CHD1L: variants seen among roughly 807,000 people sequenced by gnomAD.
CHD1L encodes ATP-dependent chromatin remodeler CHD1L.
CHD1L carries 118 observed loss-of-function variants against 115.9 expected under a neutral mutation model. The observed-to-expected ratio is 1.02, with a 90% CI of 0.88 to 1.19. The LOEUF (loss-of-function observed/expected upper bound fraction) is 1.19. Among genes scored for constraint, CHD1L ranks in the 50% most tolerant of loss-of-function variants. CHD1L has a pLI of 0.00. For synonymous variants in CHD1L, 411 were observed against 387.1 expected, an observed-to-expected ratio of 1.06 and a Z score of -0.72; for missense variants, 1,179 against 1,065.3, an observed-to-expected ratio of 1.11 and a Z score of -1.49.
At chr1:147,265,830 C>T (rs587642194) in intron 7 of CHD1L, 102 bp from the exon 8 acceptor site, 13 of 1,059,760 alleles carry the variant, frequency 1.2e-5, no homozygotes, top group African/African-American at 6.5e-5. Context: ...GCAAAATAAG[C>T]GTGAAATAAG....
chr1:147,272,939 C>T (rs587615165), intron 12 of CHD1L, among the ~76,000 whole-genome samples: 1 of 148,736 alleles, frequency 6.7e-6, no homozygotes, highest in Non-Finnish European at 1.5e-5. Context: ...GTGGCCCATG[C>T]CTGTAATCCC....
At chr1:147,293,348 A>G (rs1686309624) in intron 20 of CHD1L, among the ~76,000 whole-genome samples, 1 of 151,980 alleles carries the variant, frequency 6.6e-6, no homozygotes, top group Non-Finnish European at 1.5e-5. Context: ...TGGAAAGTAT[A>G]TGTTTTGGAC....
chr1:147,219,020 C>T, the CHD1L span, among the ~76,000 whole-genome samples: 1 of 152,220 alleles, frequency 6.6e-6, no homozygotes, highest in African/African-American at 2.4e-5. Context: ...CCGAGAGTAG[C>T]CATATCCTTC....
At chr1:147,240,993 T>TC (rs1482641134), upstream of CHD1L, among the ~76,000 whole-genome samples, 1 of 316 alleles carries the variant, frequency 3.2e-3, no homozygotes, top group East Asian at 0.1. Context: ...TCTCTGTGTC[T>TC]CTTTTTTTTC....
rs1676522308 is a variant in CHD1L at position 147,272,232 on chromosome 1, G to T, written c.1221G>T (p.Lys407Asn). The change falls in exon 12 of 23, where the codon AAG becomes AAT. Residue 407 changes from lysine to asparagine, a missense_variant. Lys to Asn is a moderately conservative substitution (Grantham distance 94). Coordinates refer to ENST00000369258, the MANE Select transcript of CHD1L (RefSeq NM_004284.6). ...VRGEERHLAI[K>N]NFGQQPIFVF... ...GAGAAGAGAGACACTTGGCCATTAA[G>T]AACTTTGGACAGCAGCCCATTTTCG... 6.2e-7 allele frequency: 1 copy of T among 1,614,192 alleles called. No homozygotes were observed. Among genetic ancestry groups the T allele is most frequent in the African/African-American group, 1.3e-5 (1 of 75,052 alleles).
Position 147,268,814 on chromosome 1 carries a change from C to A in CHD1L, c.1021C>A (p.His341Asn). 1 of 1,613,560 alleles carries A rather than the reference C, an allele frequency of 6.2e-7. No individual in the cohort carries two copies. The highest frequency in any genetic ancestry group is 1.3e-5 in the African/African-American group (1 of 74,978). The change falls in exon 10 of 23, where the codon CAC becomes AAC. Residue 341 changes from histidine to asparagine, a missense_variant. Transcript: ENST00000369258. ...VEPEPFEVGD[H>N]LTEASGKLHL... ...GCCGGAGCCTTTTGAAGTTGGAGAC[C>A]ACCTGACTGAGGCTAGTGGGAAGCT...
the CHD1L span, among the ~76,000 whole-genome samples, chr1:147,206,339 C>G: frequency 6.6e-6 from 1 of 152,152 alleles, no homozygotes; most frequent in Non-Finnish European, 1.5e-5. Context: ...CTAGTTCAAC[C>G]ATTGTGGAAG....
intron 1 of CHD1L, among the ~76,000 whole-genome samples, chr1:147,248,504 A>G (rs7511989): frequency 0.092 from 14,013 of 152,200 alleles, 726 homozygotes; most frequent in East Asian, 0.16. Flanking sequence ...CACTGTGCCC[A>G]GCCAAGTCTT....
the CHD1L span, chr1:147,178,234 G>T: frequency 7.4e-6 from 12 of 1,613,624 alleles, no homozygotes; most frequent in African/African-American, 9.3e-5. Flanking sequence ...TCGCATCTCC[G>T]ACACGGGCTC....
the CHD1L span, chr1:147,213,352 G>T: frequency 3.5e-5 from 57 of 1,613,370 alleles, no homozygotes; most frequent in South Asian, 5.5e-4. Flanking sequence ...GTGATGGCCA[G>T]TGCAAACCAT....
the CHD1L span, chr1:147,184,438 A>C: frequency 7.2e-7 from 1 of 1,396,118 alleles, no homozygotes; most frequent in Non-Finnish European, 9.3e-7. This position sits in a 1 kb window ranked among gnomAD's most constrained non-coding sequence, Gnocchi z 4.4. Context: ...TTTTTACTTA[A>C]AGTTCTTTTT....
At chr1:147,217,541 C>A in the CHD1L span, among the ~76,000 whole-genome samples, 55 of 152,266 alleles carry the variant, frequency 3.6e-4, no homozygotes, top group Middle Eastern at 0.01. Flanking sequence ...TTGGCTTTGT[C>A]CACCTTTAGG....
chr1:147,255,138 A>G (rs1669671713), intron 3 of CHD1L, among the ~76,000 whole-genome samples, 162 bp downstream of exon 3: 1 of 152,202 alleles, frequency 6.6e-6, no homozygotes, highest in Non-Finnish European at 1.5e-5. Flanking sequence ...AGGATATAAT[A>G]GGGGAAGAGT....
chr1:147,236,404 G>A, the CHD1L span, among the ~76,000 whole-genome samples: 25 of 152,302 alleles, frequency 1.6e-4, no homozygotes, highest in East Asian at 3.7e-3. Flanking sequence ...ACCATTTGGC[G>A]GGTCCTGAGT....
chr1:147,241,822 A>G (rs1414168258), upstream of CHD1L, among the ~76,000 whole-genome samples: 1 of 152,216 alleles, frequency 6.6e-6, no homozygotes, highest in Admixed American at 6.5e-5. Context: ...TATTCTAATG[A>G]CATTAGCCAG....
At chr1:147,288,347 G>GAAAAAAAAAAAGA (rs1304714956) in intron 19 of CHD1L, among the ~76,000 whole-genome samples, 1 of 122,404 alleles carries the variant, frequency 8.2e-6, no homozygotes, top group Non-Finnish European at 1.6e-5. Context: ...AAAAAAAAAA[G>GAAAAAAAAAAAGA]AAAAAGAGAA....
the CHD1L span, among the ~76,000 whole-genome samples, chr1:147,229,801 C>G: frequency 2.6e-5 from 4 of 151,918 alleles, 1 homozygote; most frequent in Admixed American, 2.0e-4. Context: ...CATGATTTGG[C>G]TCTCTGTTTG....
the CHD1L span, among the ~76,000 whole-genome samples, chr1:147,228,575 G>T: frequency 2.6e-5 from 4 of 152,132 alleles, no homozygotes. Flanking sequence ...GATCCCTGAG[G>T]AATCGCCACA....
chr1:147,271,127 T>G (rs1269695864), intron 11 of CHD1L, 122 bp downstream of exon 11: 1 of 871,134 alleles, frequency 1.1e-6, no homozygotes, highest in East Asian at 2.6e-5. Context: ...AGAACATTAT[T>G]CAGAACCAAA....
Sources: allele counts gnomAD v4.1 joint callset (sites outside exome capture counted in the v4.1 genomes callset), GRCh38; gene constraint gnomAD v4.1.1; non-coding constraint Gnocchi (gnomAD v3.1); transcripts MANE v1.5; gene names NCBI Gene and HGNC (gene_info 2026-07-23, HGNC 2026-07-21).